The following NCAM2 variants were observed in gnomAD, a reference collection of about 807,000 sequenced individuals.
NCAM2 encodes the protein neural cell adhesion molecule 2.
NCAM2 carries 30 observed loss-of-function variants against 98.1 expected under a neutral mutation model. The ratio of observed to expected loss-of-function variants is 0.31; its 90% confidence interval spans 0.23 to 0.41. The LOEUF (loss-of-function observed/expected upper bound fraction) is 0.41. NCAM2 is among the 10% of genes least tolerant of loss of function. The pLI, the probability that NCAM2 is intolerant of heterozygous loss-of-function variation, is 1.00. For synonymous variants in NCAM2, 368 were observed against 342.4 expected (o/e 1.07, Z -0.83); for missense variants, 867 against 1,005.8 (o/e 0.86, Z 1.87).
intron 1 of NCAM2, among the ~76,000 whole-genome samples, chr21:21,057,037 T>C (rs1029437355): frequency 5.3e-5 from 8 of 152,064 alleles, no homozygotes; most frequent in African/African-American, 1.9e-4. Context: ...TTAAAGAGTG[T>C]TTCATATATA....
intron 15 of NCAM2, 42 bp from the exon 16 acceptor site, chr21:21,508,809 T>TTTTTTTTTC: frequency 7.1e-6 from 1 of 141,536 alleles, no homozygotes; most frequent in Non-Finnish European, 8.2e-6. Flanking sequence ...CTTTTTTTCC[T>TTTTTTTTTC]TTTTTTTTTT....
At chr21:21,046,377 T>G (rs1049306351) in intron 1 of NCAM2, among the ~76,000 whole-genome samples, 5 of 152,172 alleles carry the variant, frequency 3.3e-5, no homozygotes, top group Admixed American at 3.3e-4. Context: ...AATGTCAAAT[T>G]GAGGTCGAAT....
chr21:21,492,089 T>C (rs1478728926), intron 15 of NCAM2, among the ~76,000 whole-genome samples: 1 of 151,690 alleles, frequency 6.6e-6, no homozygotes, highest in Non-Finnish European at 1.5e-5. Flanking sequence ...GTGAAGAAAC[T>C]AAAGAGATTT....
chr21:21,136,634 T>G (rs796173855), intron 1 of NCAM2, among the ~76,000 whole-genome samples: 50 of 60,788 alleles, frequency 8.2e-4, no homozygotes, highest in East Asian at 8.1e-3. Context: ...TTTTTTGTTT[T>G]TTTTTTTATT....
intron 4 of NCAM2, among the ~76,000 whole-genome samples, chr21:21,286,624 A>C (rs1290837846): frequency 6.6e-6 from 1 of 151,834 alleles, no homozygotes; most frequent in East Asian, 1.9e-4. Flanking sequence ...TGTAATCAAA[A>C]CACAGTTATG....
chr21:21,250,038 A>G (rs1346452353), intron 1 of NCAM2, among the ~76,000 whole-genome samples: 1 of 152,170 alleles, frequency 6.6e-6, no homozygotes, highest in Non-Finnish European at 1.5e-5. Context: ...ATGTGCAGTA[A>G]TAGGTTCGGA....
At chr21:21,354,577 T>C (rs2075421186) in intron 8 of NCAM2, among the ~76,000 whole-genome samples, 1 of 152,232 alleles carries the variant, frequency 6.6e-6, no homozygotes, top group South Asian at 2.1e-4. Flanking sequence ...CCCCAGTGGT[T>C]CACAGATCAC....
intron 1 of NCAM2, among the ~76,000 whole-genome samples, chr21:21,040,592 C>T (rs932767591): frequency 4.6e-5 from 7 of 151,418 alleles, no homozygotes; most frequent in Non-Finnish European, 7.4e-5. Flanking sequence ...AATGGAATAC[C>T]GTTCAGTCTT....
At chr21:21,293,269 C>T (rs1241478327) in intron 5 of NCAM2, among the ~76,000 whole-genome samples, 1 of 150,210 alleles carries the variant, frequency 6.7e-6, no homozygotes, top group African/African-American at 2.4e-5. Flanking sequence ...ATGTTGTTTT[C>T]CATGAGAGTG....
At chr21:21,444,209 T>C (rs903378804) in intron 12 of NCAM2, among the ~76,000 whole-genome samples, 2 of 152,208 alleles carry the variant, frequency 1.3e-5, no homozygotes, top group African/African-American at 4.8e-5. Context: ...GGTAAGTTTC[T>C]TGATGGGTTG....
At position 21,541,549 on chromosome 21, in the gene NCAM2, T is replaced by C. The variant is rs149018697; in HGVS notation, c.*3592T>C. The stretch of plus-strand genomic sequence containing the variant: ...CCAGTTGTAAGACAAAGACAACAGA[T>C]AACTTTTGAAAATCAAGCAAATTAC... On this transcript the variant is annotated 3_prime_UTR_variant, in exon 18 of 18. Transcript: ENST00000400546. 49 of 151,886 alleles carry C rather than the reference T, an allele frequency of 3.2e-4. No individual in the cohort carries two copies. The East Asian group carries it at 8.1e-3, about 25-fold the overall frequency. 9.4% of individuals were successfully genotyped at this position (151,886 alleles called of 1,614,324 possible).
At chr21:21,379,538 T>C (rs2076105951) in intron 9 of NCAM2, among the ~76,000 whole-genome samples, 2 of 152,128 alleles carry the variant, frequency 1.3e-5, no homozygotes, top group Admixed American at 1.3e-4. Flanking sequence ...AGAATCTGTT[T>C]AACTTTCAGA....
At chr21:21,044,704 G>A (rs554660335) in intron 1 of NCAM2, among the ~76,000 whole-genome samples, 2 of 152,166 alleles carry the variant, frequency 1.3e-5, no homozygotes, top group African/African-American at 2.4e-5. Context: ...GGCAGCTCAT[G>A]CCTGTAATCC....
At chr21:21,209,221 A>T (rs926678871) in intron 1 of NCAM2, among the ~76,000 whole-genome samples, 1 of 151,810 alleles carries the variant, frequency 6.6e-6, no homozygotes, top group South Asian at 2.1e-4. Flanking sequence ...CTTGGGTTTT[A>T]TTTATTTACT....
intron 13 of NCAM2, 143 bp downstream of exon 13, chr21:21,466,868 C>T (rs1214747948): frequency 2.2e-6 from 2 of 889,444 alleles, no homozygotes; most frequent in South Asian, 1.9e-5. Context: ...AAGACAGTGA[C>T]ATCTGAGATT....
At chr21:21,430,780 G>T (rs1424762248) in intron 11 of NCAM2, among the ~76,000 whole-genome samples, 2 of 152,060 alleles carry the variant, frequency 1.3e-5, no homozygotes, top group African/African-American at 4.8e-5. Flanking sequence ...AGGCACTGTG[G>T]CTCACTCCTG....
intron 5 of NCAM2, among the ~76,000 whole-genome samples, chr21:21,311,439 C>T (rs905071259): frequency 1.3e-5 from 2 of 149,580 alleles, no homozygotes; most frequent in Non-Finnish European, 2.9e-5. Flanking sequence ...CTGCTGGGTT[C>T]ACGCCATTCT....
At chr21:21,061,566 A>G (rs577221365) in intron 1 of NCAM2, among the ~76,000 whole-genome samples, 1 of 152,156 alleles carries the variant, frequency 6.6e-6, no homozygotes, top group African/African-American at 2.4e-5. Flanking sequence ...CTGTTCAGAG[A>G]TGAGTTAAAC....
chr21:21,026,204 A>G (rs2064542226), intron 1 of NCAM2, among the ~76,000 whole-genome samples: 1 of 152,166 alleles, frequency 6.6e-6, no homozygotes, highest in South Asian at 2.1e-4. Flanking sequence ...CATTGTGGTA[A>G]AGGTTAATAA....
Sources: allele counts gnomAD v4.1 joint callset (sites outside exome capture counted in the v4.1 genomes callset), GRCh38; gene constraint gnomAD v4.1.1; transcripts MANE v1.5; gene names NCBI Gene and HGNC (gene_info 2026-07-23, HGNC 2026-07-21).